The following CACNA1H variants were observed in gnomAD, a reference collection of about 807,000 sequenced individuals.
CACNA1H encodes the protein voltage-dependent T-type calcium channel subunit alpha-1H.
Under a neutral mutation model 192.5 loss-of-function variants are expected in CACNA1H, and 149 were observed. The observed-to-expected ratio is 0.77, with a 90% CI of 0.68 to 0.89. The LOEUF is 0.89. CACNA1H is among the 40% of genes least tolerant of loss of function. The pLI, the probability that CACNA1H is intolerant of heterozygous loss-of-function variation, is 0.00. For synonymous variants in CACNA1H, 2,202 were observed against 1,475.2 expected (o/e 1.49, Z -11.29); for missense variants, 4,257 against 3,423.5 (o/e 1.24, Z -6.08).
Position 1,218,311 on chromosome 16 carries a change from C to G in CACNA1H, c.5547C>G (p.Phe1849Leu), listed in dbSNP as rs747094670. ...YFVTFVLVAQ[F>L]VLVNVVVAVL... ...TGACCTTCGTGCTGGTGGCCCAGTT[C>G]GTGCTGGTGAACGTGGTGGTGGCCG... The change falls in exon 33 of 35, where the codon TTC becomes TTG. Residue 1849 changes from phenylalanine to leucine, a missense_variant. Coordinates refer to ENST00000348261, the MANE Select transcript of CACNA1H (RefSeq NM_021098.3). 2.6e-6 allele frequency: 4 copies of G among 1,556,142 alleles called. No homozygotes were observed. The highest frequency in any genetic ancestry group is 2.4e-5 in the South Asian group (2 of 84,288).
chr16:1,212,150 C>T lies in CACNA1H; in HGVS notation c.4759+12C>T, dbSNP rs559445277. 6.3e-7 allele frequency: 1 copy of T among 1,598,460 alleles called. No homozygotes were observed. Among genetic ancestry groups the T allele is most frequent in the East Asian group, 2.2e-5 (1 of 44,776 alleles). ...GAGGAGGCGCAGGAGTAAGGCGCTC[C>T]CGGTGGCGGTGGCGGTGGCGGGTCG... On this transcript the variant is annotated intron_variant, in intron 25 of 34. Transcript: ENST00000348261.
In CACNA1H at chr16:1,210,378, T is replaced by A. The variant is rs1359854181; in HGVS notation, c.3854T>A (p.Val1285Asp). The A allele has an allele frequency of 4.0e-6, 4 of 987,874 alleles. No individual in the cohort carries two copies. Among genetic ancestry groups the A allele is most frequent in the African/African-American group, 3.7e-5 (2 of 53,556 alleles). 61.2% of individuals were successfully genotyped at this position (987,874 alleles called of 1,614,324 possible). The change falls in exon 19 of 35, where the codon GTC becomes GAC. Residue 1285 changes from valine (V) to aspartate (D), a missense_variant. Coordinates refer to ENST00000348261, the MANE Select transcript of CACNA1H (RefSeq NM_021098.3). ...YLFSPQNRFR[V>D]SCQKVITHKM... is the part of the protein sequence containing the mutation. ...CGCCCCCGCCCACCCAGGTTCCGCG[T>A]CTCCTGCCAGAAGGTCATCACACAC...
intron 2 of CACNA1H, among the ~76,000 whole-genome samples, chr16:1,185,609 G>GCT: frequency 1.3e-5 from 2 of 149,946 alleles, no homozygotes; most frequent in African/African-American, 5.1e-5. Context: ...CGTGCGTAGG[G>GCT]GCCGGAGGCG....
chr16:1,216,718 C>G (rs753394330), intron 30 of CACNA1H, among the ~76,000 whole-genome samples: 1 of 152,188 alleles, frequency 6.6e-6, no homozygotes, highest in Non-Finnish European at 1.5e-5. Context: ...CTCTGTCTAC[C>G]TGGTGAGGTC....
In CACNA1H at chr16:1,153,928, C is replaced by T. The variant is rs769155464; in HGVS notation, c.191C>T (p.Ala64Val). The T allele has an allele frequency of 6.9e-6, 10 of 1,457,246 alleles. No individual in the cohort carries two copies. The South Asian group carries it at 1.0e-4, about 15-fold the overall frequency. 90.3% of individuals were successfully genotyped at this position (1,457,246 alleles called of 1,614,324 possible). ...GCCGAGCGCGGCGCGGAGCTGGGTG[C>T]CGACGAGGAGCAGCGCGTCCCGTAC... is the stretch of plus-strand genomic sequence containing the variant. ...PAAERGAELG[A>V]DEEQRVPYPA... Residue 64 changes from alanine to valine, a missense_variant, in exon 2 of 35, where the codon GCC becomes GTC. Physicochemically the swap from Ala to Val is moderately conservative, Grantham distance 64. Coordinates refer to ENST00000348261, the MANE Select transcript of CACNA1H (RefSeq NM_021098.3).
chr16:1,195,286 G>A lies in CACNA1H; in HGVS notation c.412-146G>A, dbSNP rs1433853366. ...GAGAGGCGAGGTTCAAGGCGAGGCAGGGCTCAGTTCCTGGGGCTCAGGGCG... is the reference window on the plus strand; with the variant it reads ...GAGAGGCGAGGTTCAAGGCGAGGCAAGGCTCAGTTCCTGGGGCTCAGGGCG... On this transcript the variant is annotated intron_variant, in intron 3 of 34. Coordinates refer to ENST00000348261, the MANE Select transcript of CACNA1H (RefSeq NM_021098.3). 1.0e-5 allele frequency: 12 copies of A among 1,154,360 alleles called. No individual in the cohort carries two copies. In the African/African-American group the frequency reaches 1.9e-4, roughly 18 times the overall value. 71.5% of individuals were successfully genotyped at this position (1,154,360 alleles called of 1,614,324 possible).
chr16:1,176,306 G>A (rs764924907), intron 2 of CACNA1H, among the ~76,000 whole-genome samples: 11 of 152,232 alleles, frequency 7.2e-5, no homozygotes, highest in Non-Finnish European at 1.2e-4. Flanking sequence ...CAGGGGCGAG[G>A]CGCAGCAGCA....
chr16:1,181,765 CCTCAT>C (rs1965492446), intron 2 of CACNA1H, among the ~76,000 whole-genome samples: 2 of 152,146 alleles, frequency 1.3e-5, no homozygotes, highest in Admixed American at 1.3e-4. Flanking sequence ...GGGGACCCGC[CCTCAT>C]CTCAGGCCTG....
chr16:1,158,984 G>A (rs983355784), intron 2 of CACNA1H, among the ~76,000 whole-genome samples: 6 of 152,206 alleles, frequency 3.9e-5, no homozygotes, highest in Non-Finnish European at 7.4e-5. Flanking sequence ...TCTGTCGCCC[G>A]GATCCTTCAT....
At chr16:1,177,027 A>G (rs1050076445) in intron 2 of CACNA1H, among the ~76,000 whole-genome samples, 2 of 151,980 alleles carry the variant, frequency 1.3e-5, no homozygotes, top group African/African-American at 4.8e-5. Flanking sequence ...CCCTCCCCCC[A>G]GGAGCTTCCC....
intron 17 of CACNA1H, 74 bp downstream of exon 17, chr16:1,209,486 G>T: frequency 6.4e-7 from 1 of 1,553,854 alleles, no homozygotes; most frequent in South Asian, 1.1e-5. Flanking sequence ...AGTGGGGTTT[G>T]AGATGGGATT....
chr16:1,162,645 G>GGGT (rs1555500502), intron 2 of CACNA1H, among the ~76,000 whole-genome samples: 3 of 151,768 alleles, frequency 2.0e-5, no homozygotes, highest in African/African-American at 7.3e-5. Context: ...GGAGTGGGGG[G>GGGT]GGGGGGTCCA....
At chr16:1,158,937 G>T (rs999815009) in intron 2 of CACNA1H, among the ~76,000 whole-genome samples, 3 of 152,036 alleles carry the variant, frequency 2.0e-5, no homozygotes, top group Admixed American at 6.5e-5. Context: ...AGCCCGCACC[G>T]CTGGGACCGG....
rs764853757 is a variant in CACNA1H, at chr16:1,211,243, C to T, written c.4299C>T (p.Ile1433=). 62 of 1,612,998 alleles carry T rather than the reference C, an allele frequency of 3.8e-5. No individual in the cohort carries two copies. The highest frequency in any genetic ancestry group is 4.7e-5 in the Non-Finnish European group (56 of 1,179,764). Residue 1433 remains isoleucine, a synonymous_variant, in exon 22 of 35, where the codon ATC becomes ATT. Transcript: ENST00000348261. ...LISSLRPIGN[I]VLICCAFFII... ...CATCACTCAGGCCCATTGGGAACAT[C>T]GTCCTCATCTGCTGCGCCTTCTTCA...
At chr16:1,177,856 C>T (rs1327103209) in intron 2 of CACNA1H, among the ~76,000 whole-genome samples, 1 of 151,934 alleles carries the variant, frequency 6.6e-6, no homozygotes, top group Non-Finnish European at 1.5e-5. Flanking sequence ...GACCTCACCT[C>T]ATCCCAGTCA....
chr16:1,200,733 C>T lies in CACNA1H; in HGVS notation c.1137C>T (p.Gly379=), dbSNP rs751019130. The change falls in exon 8 of 35, where the codon GGC becomes GGT. Residue 379 remains glycine, a synonymous_variant. Coordinates refer to ENST00000348261, the MANE Select transcript of CACNA1H (RefSeq NM_021098.3). ...IAIFQVITLE[G]WVDIMYYVMD... ...CCCCCCAGGTGATCACGCTGGAAGG[C>T]TGGGTGGACATCATGTACTACGTCA... The T allele has an allele frequency of 1.8e-5, 28 of 1,561,844 alleles. No homozygotes were observed. The highest frequency in any genetic ancestry group is 2.3e-5 in the South Asian group (2 of 85,472).
rs1474037310 is a variant in CACNA1H, at chr16:1,214,965, C to A, written c.4930-7C>A. 1.3e-6 allele frequency: 2 copies of A among 1,595,802 alleles called. No homozygotes were observed. The highest frequency in any genetic ancestry group is 4.5e-5 in the East Asian group (2 of 44,286). On this transcript the variant is annotated splice_polypyrimidine_tract_variant and splice_region_variant and intron_variant, in intron 27 of 34. Coordinates refer to ENST00000348261, the MANE Select transcript of CACNA1H (RefSeq NM_021098.3). ...CCACCTCAGCCAGCCCGACCCTCCA[C>A]CCCCAGTCGCTGGACGAGGCCCTCA...
chr16:1,183,620 C>T (rs767910539), intron 2 of CACNA1H, among the ~76,000 whole-genome samples: 7 of 151,920 alleles, frequency 4.6e-5, no homozygotes, highest in African/African-American at 1.2e-4. Context: ...GCATTGGGGT[C>T]GGGGGTCCGG....
rs1387716276 is a variant in CACNA1H at position 1,220,090 on chromosome 16, G to T, written c.6158G>T (p.Gly2053Val). The change falls in exon 35 of 35, where the codon GGC becomes GTC. Residue 2053 changes from glycine to valine, a missense_variant. Transcript: ENST00000348261. The part of the protein sequence containing the change: ...KTPVRPVTQG[G>V]SLQSPPRSPR... ...CCGGTGAGGCCGGTGACCCAGGGGGGCTCCCTGCAGTCCCCACCACGCTCC... is the reference window on the plus strand; with the variant it reads ...CCGGTGAGGCCGGTGACCCAGGGGGTCTCCCTGCAGTCCCCACCACGCTCC... The T allele has an allele frequency of 4.1e-6, 6 of 1,460,962 alleles. No homozygotes were observed. The African/African-American group carries it at 4.4e-5, about 11-fold the overall frequency. The allele number at this position is 1,460,962 out of a possible 1,614,324, so 90.5% of individuals were successfully genotyped here. A position where few individuals can be genotyped will look rare whatever the true frequency, so the allele number is the denominator to read the frequency against.
Sources: gnomAD v4.1 joint callset for allele counts (sites outside exome capture counted in the v4.1 genomes callset) on GRCh38, gnomAD v4.1.1 for gene constraint, MANE v1.5 for transcripts, NCBI Gene and HGNC (gene_info 2026-07-23, HGNC 2026-07-21) for gene names.